The following MCUR1 variants were observed in gnomAD, a reference collection of about 807,000 sequenced individuals.
MCUR1 encodes the protein mitochondrial calcium uniporter regulator 1.
In MCUR1, 37 loss-of-function variants were observed where a neutral mutation model predicts 42.0. The ratio of observed to expected loss-of-function variants is 0.88; its 90% CI spans 0.68 to 1.16. The LOEUF (loss-of-function observed/expected upper bound fraction) is 1.16, where lower values mean the gene tolerates loss of function less well. Ranked by LOEUF, MCUR1 falls within the 50% of genes most tolerant of loss-of-function variation. The probability of loss-of-function intolerance (pLI) is 0.00; values close to 1 mark genes in which losing one functional copy is unlikely to be tolerated. For synonymous variants in MCUR1, 229 were observed against 196.2 expected (o/e 1.17, Z -1.40); for missense variants, 469 against 468.4 (o/e 1.00, Z -0.01).
In MCUR1 at chr6:13,807,002, C is replaced by G. The variant is rs368548564; in HGVS notation, c.458G>C (p.Arg153Thr). The G allele has an allele frequency of 1.2e-6, 2 of 1,613,304 alleles. No homozygotes were observed. Among genetic ancestry groups the G allele is most frequent in the African/African-American group, 1.3e-5 (1 of 74,880 alleles). Residue 153 changes from arginine (R) to threonine (T), a missense_variant, in exon 2 of 9, where the codon AGG becomes ACG. By Grantham distance (71) the Arg-to-Thr change is moderately conservative (BLOSUM62 -1). Transcript: ENST00000379170. ...GCTCCCAGAAGAGGTGAAATCTCTC[C>G]TTTTGCGCTCCAGCTGCAGGGATCC... ...SAGSLQLERK[R>T]RDFTSSGSRK... is the part of the protein sequence containing the mutation.
At chr6:13,800,225 T>C (rs754057793) in intron 5 of MCUR1, 116 bp downstream of exon 5, 55 of 702,706 alleles carry the variant, frequency 7.8e-5, no homozygotes, top group Non-Finnish European at 1.3e-4. Flanking sequence ...TTGAGGCATA[T>C]TACACAAACA....
rs1356775962 is a variant in MCUR1 at position 13,793,868 on chromosome 6, AG to A, written c.909+25del. ...GAAGCAAAGATGAGTACAAAGACAA[AG>A]AAAAATCACAGTCTTGTTTCTTACC... On this transcript the variant is annotated intron_variant, in intron 7 of 8. Coordinates refer to ENST00000379170, the MANE Select transcript of MCUR1 (RefSeq NM_001031713.4). The A allele has an allele frequency of 2.5e-6, 4 of 1,605,194 alleles. No homozygotes were observed. The African/African-American group carries it at 5.4e-5, about 21-fold the overall frequency.
At chr6:13,807,352 T>C (rs1033576872) in intron 1 of MCUR1, among the ~76,000 whole-genome samples, 1 of 151,976 alleles carries the variant, frequency 6.6e-6, no homozygotes, top group Non-Finnish European at 1.5e-5. Context: ...CAAGCACTGG[T>C]CTATTTGCTG....
At chr6:13,806,859 C>T in intron 2 of MCUR1, 66 bp downstream of exon 2, 1 of 1,468,932 alleles carries the variant, frequency 6.8e-7, no homozygotes, top group South Asian at 1.4e-5. Context: ...TTAAATGAAA[C>T]CATAAGAGAA....
At chr6:13,796,389 A>G (rs1049995567) in intron 6 of MCUR1, among the ~76,000 whole-genome samples, 1 of 151,370 alleles carries the variant, frequency 6.6e-6, no homozygotes, top group African/African-American at 2.4e-5. Flanking sequence ...CTGGGTTCAA[A>G]TGATTCTTCT....
intron 6 of MCUR1, among the ~76,000 whole-genome samples, chr6:13,797,600 C>A (rs998478270): frequency 1.3e-4 from 20 of 152,056 alleles, no homozygotes; most frequent in Non-Finnish European, 2.9e-5. Context: ...CCCAGCTACT[C>A]TGGAGGCTGA....
intron 6 of MCUR1, among the ~76,000 whole-genome samples, chr6:13,795,149 AAG>A (rs1759828092): frequency 6.6e-6 from 1 of 152,000 alleles, no homozygotes; most frequent in Non-Finnish European, 1.5e-5. Flanking sequence ...AAAAAAGAGA[AAG>A]AGAAACAAAA....
intron 4 of MCUR1, 151 bp from the exon 5 acceptor site, chr6:13,800,533 T>G: frequency 1.8e-6 from 1 of 559,862 alleles, no homozygotes; most frequent in Non-Finnish European, 3.2e-6. Context: ...ACAACACACG[T>G]ATCTTGAAAT....
intron 7 of MCUR1, among the ~76,000 whole-genome samples, chr6:13,793,384 C>T (rs976081971): frequency 3.3e-5 from 5 of 151,964 alleles, no homozygotes; most frequent in African/African-American, 4.8e-5. Context: ...CCTTGACAGA[C>T]GAATAAAGAA....
At position 13,787,579 on chromosome 6, in the gene MCUR1, A is replaced by C. The variant is rs1759630528; in HGVS notation, c.*3230T>G. The C allele has an allele frequency of 6.6e-6, 1 of 152,204 alleles. No individual in the cohort carries two copies. Among genetic ancestry groups the C allele is most frequent in the Non-Finnish European group, 1.5e-5 (1 of 68,062 alleles). The allele number at this position is 152,204 out of a possible 1,614,324, so 9.4% of individuals were successfully genotyped here. A position where few individuals can be genotyped will look rare whatever the true frequency, so the allele number is the denominator to read the frequency against. ...GGGGAGGGGAGAGAAGAAAAGGAGG[A>C]ATGCAGAGAAGCCCTCCAAGAATGA... is the stretch of plus-strand genomic sequence containing the variant. On this transcript the variant is annotated 3_prime_UTR_variant, in exon 9 of 9. Coordinates refer to ENST00000379170, the MANE Select transcript of MCUR1 (RefSeq NM_001031713.4).
At chr6:13,799,010 C>T (rs1336986601) in intron 5 of MCUR1, 106 bp from the exon 6 acceptor site, 3 of 662,192 alleles carry the variant, frequency 4.5e-6, no homozygotes, top group African/African-American at 3.7e-5. Flanking sequence ...CTATCCTAGG[C>T]GAGGCAACCC....
intron 6 of MCUR1, among the ~76,000 whole-genome samples, chr6:13,795,656 C>T (rs1759838405): frequency 6.6e-6 from 1 of 152,106 alleles, no homozygotes; most frequent in African/African-American, 2.4e-5. Context: ...TACTAAATGA[C>T]ATAAATTCAC....
chr6:13,811,374 T>A (rs980262263), intron 1 of MCUR1, among the ~76,000 whole-genome samples: 1 of 152,150 alleles, frequency 6.6e-6, no homozygotes, highest in Non-Finnish European at 1.5e-5. Context: ...CTGTAATGAC[T>A]TCTACAATCT....
Position 13,789,628 on chromosome 6 carries a change from A to G in MCUR1, c.*1181T>C, listed in dbSNP as rs1347126395. 1 of 152,226 alleles carries G rather than the reference A, an allele frequency of 6.6e-6. No individual in the cohort carries two copies. Among genetic ancestry groups the G allele is most frequent in the African/African-American group, 2.4e-5 (1 of 41,468 alleles). The allele number at this position is 152,226 out of a possible 1,614,324, so 9.4% of individuals were successfully genotyped here. On this transcript the variant is annotated 3_prime_UTR_variant, in exon 9 of 9. Transcript: ENST00000379170. ...AATTTCATTTATGAAATATGTATCC[A>G]TCATCTAGGTATCTTATACATGGAG...
intron 2 of MCUR1, chr6:13,803,622 G>T (rs1760041353): frequency 2.4e-6 from 1 of 424,006 alleles, no homozygotes; most frequent in Non-Finnish European, 3.2e-6. Flanking sequence ...ATTTAAAGGA[G>T]AAGGAAAAAA....
At chr6:13,804,814 A>AAAAAAAAAAG (rs1230089057) in intron 2 of MCUR1, among the ~76,000 whole-genome samples, 4 of 148,906 alleles carry the variant, frequency 2.7e-5, no homozygotes, top group African/African-American at 1.0e-4. Flanking sequence ...AAAAAAAAAA[A>AAAAAAAAAAG]GTGGAAGTCT....
intron 6 of MCUR1, among the ~76,000 whole-genome samples, chr6:13,797,670 T>C (rs545977417): frequency 1.3e-3 from 200 of 150,208 alleles, no homozygotes; most frequent in African/African-American, 3.2e-3. Context: ...ATCACACCAC[T>C]GCACTCCAGC....
intron 1 of MCUR1, among the ~76,000 whole-genome samples, chr6:13,811,644 A>G (rs892024835): frequency 3.3e-5 from 5 of 152,192 alleles, no homozygotes; most frequent in Non-Finnish European, 7.3e-5. Context: ...CACCTGCCCC[A>G]GAACTCTACT....
At position 13,806,810 on chromosome 6, in the gene MCUR1, C is replaced by T. The variant is rs150115841; in HGVS notation, c.535+115G>A. 42 of 1,229,386 alleles carry T rather than the reference C, an allele frequency of 3.4e-5. No homozygotes were observed. In the Middle Eastern group the frequency reaches 1.4e-3, roughly 40 times the overall value. The allele number at this position is 1,229,386 out of a possible 1,614,324, so 76.2% of individuals were successfully genotyped here. A position where few individuals can be genotyped will look rare whatever the true frequency, so the allele number is the denominator to read the frequency against. ...TCTCTAAATAAATTAATTAATTAAACACAAATAAAAAATAGAAGTCAAAGA... is the reference window on the plus strand; with the variant it reads ...TCTCTAAATAAATTAATTAATTAAATACAAATAAAAAATAGAAGTCAAAGA... On this transcript the variant is annotated intron_variant, in intron 2 of 8. Transcript: ENST00000379170.
Sources: allele counts gnomAD v4.1 joint callset (sites outside exome capture counted in the v4.1 genomes callset), GRCh38; gene constraint gnomAD v4.1.1; transcripts MANE v1.5; gene names NCBI Gene and HGNC (gene_info 2026-07-23, HGNC 2026-07-21).